The following FOCAD variants were observed in gnomAD, a reference collection of about 807,000 sequenced individuals.
The protein encoded by FOCAD is KIAA1797.
In FOCAD, 198 loss-of-function variants were observed where a neutral mutation model predicts 225.6. The ratio of observed to expected loss-of-function variants is 0.88; its 90% CI spans 0.78 to 0.99. The LOEUF (loss-of-function observed/expected upper bound fraction) is 0.99. FOCAD is among the 50% of genes least tolerant of loss of function. FOCAD has a pLI of 0.00. For synonymous variants in FOCAD, 897 were observed against 755.0 expected (o/e 1.19, Z -3.08); for missense variants, 2,713 against 2,123.6 (o/e 1.28, Z -5.46).
chr9:20,756,095 T>G (rs192936099), intron 5 of FOCAD, among the ~76,000 whole-genome samples: 3 of 152,298 alleles, frequency 2.0e-5, no homozygotes, highest in Admixed American at 6.5e-5. Flanking sequence ...GGAAGCAAAT[T>G]CTAGGTAGGT....
intron 7 of FOCAD, among the ~76,000 whole-genome samples, chr9:20,769,329 C>A (rs1817941129): frequency 6.6e-6 from 1 of 152,138 alleles, no homozygotes; most frequent in South Asian, 2.1e-4. Context: ...GACATAGGCT[C>A]CTGATTGAAG....
At chr9:20,878,219 T>G (rs1051625185) in intron 19 of FOCAD, among the ~76,000 whole-genome samples, 5 of 152,160 alleles carry the variant, frequency 3.3e-5, no homozygotes, top group African/African-American at 1.2e-4. Context: ...ATGAAATACA[T>G]AGCATAGCAA....
intron 28 of FOCAD, among the ~76,000 whole-genome samples, chr9:20,939,150 CAAAAA>C (rs565280892): frequency 6.9e-5 from 5 of 72,498 alleles, no homozygotes; most frequent in Admixed American, 6.5e-4. Flanking sequence ...ACTCTCTTCT[CAAAAA>C]AAAAAAAAAA....
At chr9:20,815,123 G>GTGTGTTTTTTTTTT (rs1564024181) in intron 11 of FOCAD, among the ~76,000 whole-genome samples, 2 of 85,396 alleles carry the variant, frequency 2.3e-5, no homozygotes, top group Non-Finnish European at 4.5e-5. Context: ...ACTTCTCTTT[G>GTGTGTTTTTTTTTT]TTTTTTTTTT....
At chr9:20,948,137 T>A in intron 30 of FOCAD, 134 bp from the exon 31 acceptor site, 1 of 909,838 alleles carries the variant, frequency 1.1e-6, no homozygotes, top group Non-Finnish European at 1.5e-6. Flanking sequence ...TTAAGTCTGA[T>A]TTTTCATATG....
chr9:20,799,769 A>G, intron 11 of FOCAD, among the ~76,000 whole-genome samples: 1 of 152,050 alleles, frequency 6.6e-6, no homozygotes, highest in Non-Finnish European at 1.5e-5. Context: ...TTTCCTGAGT[A>G]CAGCACACTG....
In FOCAD at chr9:20,990,186, C is replaced by A; in HGVS notation, c.5068C>A (p.Pro1690Thr). The A allele has an allele frequency of 6.2e-7, 1 of 1,614,200 alleles. No individual in the cohort carries two copies. The highest frequency in any genetic ancestry group is 8.5e-7 in the Non-Finnish European group (1 of 1,180,020). The stretch of plus-strand genomic sequence containing the variant: ...GGTTGCATGGGCTGACCACACTGCC[C>A]CTCTCCTCCTCGGCCTCAGTGCCAG... ...AVVAWADHTA[P>T]LLLGLSASWL... Residue 1690 changes from proline to threonine, a missense_variant, in exon 42 of 44, where the codon CCT (proline) becomes ACT (threonine). Transcript: ENST00000338382.
At chr9:20,906,757 T>C (rs1202938081) in intron 21 of FOCAD, among the ~76,000 whole-genome samples, 1 of 152,098 alleles carries the variant, frequency 6.6e-6, no homozygotes, top group African/African-American at 2.4e-5. Context: ...ATCCAGGATA[T>C]GAGCAATATT....
chr9:20,990,366 A>G lies in FOCAD; in HGVS notation c.5248A>G (p.Thr1750Ala). ...GCAGAAAGAGCCATGGAAGGAACAG[A>G]CCCAGAAGGTGAGGCTGGCAGCCAC... ...LLQKEPWKEQ[T>A]QKFIDWLFSI... The change falls in exon 42 of 44, where the codon ACC becomes GCC. Residue 1750 changes from threonine (T) to alanine (A), a missense_variant. Thr to Ala is a moderately conservative substitution (Grantham distance 58). Transcript: ENST00000338382. The G allele has an allele frequency of 6.2e-7, 1 of 1,613,376 alleles. No homozygotes were observed. Among genetic ancestry groups the G allele is most frequent in the Non-Finnish European group, 8.5e-7 (1 of 1,179,842 alleles).
intron 15 of FOCAD, among the ~76,000 whole-genome samples, chr9:20,830,880 G>T (rs1825417140): frequency 1.3e-5 from 2 of 151,948 alleles, no homozygotes; most frequent in Non-Finnish European, 2.9e-5. Context: ...TCACTATGTT[G>T]ACCAGGCTGG....
In FOCAD at chr9:20,897,927, C is replaced by T. The variant is rs192565214; in HGVS notation, c.2626-9223C>T. ...AAACATTTCCTGCAAGGGAAATGTA[C>T]GGGTAACAGATTTTCTCAAATTTTG... On this transcript the variant is annotated intron_variant, in intron 21 of 43. Coordinates refer to ENST00000338382, the MANE Select transcript of FOCAD (RefSeq NM_001375567.1). Among the ~76,000 whole-genome samples the T allele has an allele frequency of 2.6e-5, 4 of 151,816 alleles. No individual in the cohort carries two copies. The East Asian group carries it at 5.8e-4, about 22-fold the overall frequency.
At chr9:20,971,341 A>C (rs1185074670) in intron 35 of FOCAD, among the ~76,000 whole-genome samples, 1 of 152,090 alleles carries the variant, frequency 6.6e-6, no homozygotes. Flanking sequence ...CTTTATCTCT[A>C]CCAATTATGC....
intron 22 of FOCAD, among the ~76,000 whole-genome samples, chr9:20,910,074 G>A (rs1233865961): frequency 6.6e-6 from 1 of 152,054 alleles, no homozygotes; most frequent in African/African-American, 2.4e-5. Context: ...TTAGACGTCT[G>A]CTTCAAGCCT....
chr9:20,717,927 A>G (rs1563909873), intron 3 of FOCAD, 59 bp downstream of exon 3: 1 of 1,307,894 alleles, frequency 7.6e-7, no homozygotes, highest in South Asian at 1.2e-5. Flanking sequence ...TAGCTGGATC[A>G]CATATGCACC....
At chr9:20,923,016 G>A (rs947899997) in intron 24 of FOCAD, among the ~76,000 whole-genome samples, 2 of 152,130 alleles carry the variant, frequency 1.3e-5, no homozygotes, top group African/African-American at 4.8e-5. Flanking sequence ...GATGTAAAAA[G>A]GCAACTTTCA....
At chr9:20,982,320 A>G (rs1242340485) in intron 38 of FOCAD, 37 bp from the exon 39 acceptor site, 2 of 1,412,668 alleles carry the variant, frequency 1.4e-6, no homozygotes, top group African/African-American at 2.8e-5. Context: ...GTTATTTTAC[A>G]CTGTTTGTTG....
chr9:20,756,431 C>T (rs1401765339), intron 5 of FOCAD, among the ~76,000 whole-genome samples: 1 of 152,082 alleles, frequency 6.6e-6, no homozygotes, highest in Non-Finnish European at 1.5e-5. Flanking sequence ...AGTACATTTC[C>T]CACCCCCAAC....
chr9:20,923,044 A>C (rs1055853528), intron 24 of FOCAD, among the ~76,000 whole-genome samples: 2 of 152,210 alleles, frequency 1.3e-5, no homozygotes, highest in African/African-American at 4.8e-5. Flanking sequence ...TAGTCTAAAA[A>C]CAGCCCTTTT....
chr9:20,883,368 A>G (rs1261451232), intron 20 of FOCAD, among the ~76,000 whole-genome samples: 1 of 152,228 alleles, frequency 6.6e-6, no homozygotes, highest in African/African-American at 2.4e-5. Context: ...GAAAATCTAT[A>G]AGATCACAAA....
Sources: allele counts gnomAD v4.1 joint callset (sites outside exome capture counted in the v4.1 genomes callset), GRCh38; gene constraint gnomAD v4.1.1; transcripts MANE v1.5; gene names NCBI Gene and HGNC (gene_info 2026-07-23, HGNC 2026-07-21).